The following EEIG2 variants were observed in gnomAD, a reference collection of about 807,000 sequenced individuals.
EEIG2 encodes family with sequence similarity 102 member B.
At chr1:108,595,928 C>T in the EEIG2 span, among the ~76,000 whole-genome samples, 649 of 152,134 alleles carry the variant, frequency 4.3e-3, 3 homozygotes, top group African/African-American at 0.015. Context: ...GCAGGAAAGA[C>T]GTATTTGCAG....
At chr1:108,588,965 T>C in the EEIG2 span, among the ~76,000 whole-genome samples, 3 of 152,172 alleles carry the variant, frequency 2.0e-5, no homozygotes, top group Non-Finnish European at 4.4e-5. Context: ...TCAGCAAATA[T>C]TCATTTGAGG....
chr1:108,621,891 T>A, the EEIG2 span, among the ~76,000 whole-genome samples: 1 of 152,074 alleles, frequency 6.6e-6, no homozygotes, highest in Non-Finnish European at 1.5e-5. Flanking sequence ...GCGTGGTGGC[T>A]CACGCCTGTA....
the EEIG2 span, among the ~76,000 whole-genome samples, chr1:108,592,843 GAT>G: frequency 6.6e-6 from 1 of 152,236 alleles, no homozygotes; most frequent in South Asian, 2.1e-4. Flanking sequence ...TAAATAATAA[GAT>G]TTAAGAAGTT....
the EEIG2 span, among the ~76,000 whole-genome samples, chr1:108,589,254 A>C: frequency 6.6e-6 from 1 of 152,270 alleles, no homozygotes; most frequent in East Asian, 1.9e-4. Context: ...TAGTGCTGAC[A>C]GGTTCTTTAC....
the EEIG2 span, chr1:108,616,574 T>C: frequency 1.7e-6 from 1 of 581,584 alleles, no homozygotes; most frequent in Non-Finnish European, 3.0e-6. Context: ...GACCTGACCC[T>C]CTTAGAAGTT....
chr1:108,614,679 T>G, the EEIG2 span, among the ~76,000 whole-genome samples: 1 of 152,170 alleles, frequency 6.6e-6, no homozygotes, highest in Non-Finnish European at 1.5e-5. Context: ...ATCCAAAGTT[T>G]GCCTAATCAA....
the EEIG2 span, among the ~76,000 whole-genome samples, chr1:108,632,985 G>A: frequency 1.5e-5 from 2 of 137,532 alleles, no homozygotes; most frequent in African/African-American, 5.5e-5. Flanking sequence ...GAGTCTCACT[G>A]TGTTGCCCAG....
the EEIG2 span, among the ~76,000 whole-genome samples, chr1:108,569,021 T>G: frequency 2.0e-5 from 3 of 152,186 alleles, no homozygotes; most frequent in African/African-American, 7.2e-5. Flanking sequence ...CATGAGAAAG[T>G]TGATCCTTAG....
At chr1:108,598,242 G>A in the EEIG2 span, among the ~76,000 whole-genome samples, 64 of 150,340 alleles carry the variant, frequency 4.3e-4, no homozygotes, top group African/African-American at 1.5e-3. Context: ...GCTGAGGCAT[G>A]GGAATTGCTT....
the EEIG2 span, among the ~76,000 whole-genome samples, chr1:108,585,961 C>T: frequency 6.6e-6 from 1 of 152,004 alleles, no homozygotes; most frequent in Non-Finnish European, 1.5e-5. Flanking sequence ...TATTCCTGTT[C>T]CAGAAAACTG....
the EEIG2 span, among the ~76,000 whole-genome samples, chr1:108,588,933 A>G: frequency 6.6e-6 from 1 of 152,084 alleles, no homozygotes; most frequent in East Asian, 1.9e-4. Flanking sequence ...TTTTTGTAAT[A>G]TAGAAGATTA....
the EEIG2 span, among the ~76,000 whole-genome samples, chr1:108,577,927 A>G: frequency 3.7e-3 from 554 of 151,738 alleles, 15 homozygotes; most frequent in African/African-American, 0.011. Context: ...CTTCCTACCC[A>G]TGAGCATGGA....
the EEIG2 span, among the ~76,000 whole-genome samples, chr1:108,576,778 G>C: frequency 6.6e-6 from 1 of 150,498 alleles, no homozygotes; most frequent in African/African-American, 2.4e-5. Flanking sequence ...TGTCTTTATA[G>C]CAGCATGATT....
At chr1:108,601,444 A>G in the EEIG2 span, among the ~76,000 whole-genome samples, 1 of 151,762 alleles carries the variant, frequency 6.6e-6, no homozygotes, top group Admixed American at 6.6e-5. Flanking sequence ...TACCATTGCC[A>G]TGGTATTTTA....
At chr1:108,621,323 C>T in the EEIG2 span, among the ~76,000 whole-genome samples, 2 of 152,060 alleles carry the variant, frequency 1.3e-5, no homozygotes, top group Admixed American at 1.3e-4. Flanking sequence ...CTGAGTTGTC[C>T]AGGGAGGTAA....
At chr1:108,569,622 C>T in the EEIG2 span, among the ~76,000 whole-genome samples, 2 of 152,172 alleles carry the variant, frequency 1.3e-5, no homozygotes, top group Non-Finnish European at 2.9e-5. Flanking sequence ...TGTACCTAGC[C>T]TCACCTAAAT....
chr1:108,637,097 A>T, the EEIG2 span: 2 of 152,160 alleles, frequency 1.3e-5, no homozygotes, highest in Non-Finnish European at 2.9e-5. Context: ...CCTTGGTCCG[A>T]CACCTCTCTA....
chr1:108,583,419 G>A, the EEIG2 span, among the ~76,000 whole-genome samples: 4 of 151,412 alleles, frequency 2.6e-5, no homozygotes, highest in African/African-American at 9.7e-5. Flanking sequence ...TGCTGGGATA[G>A]GAATGAGCCA....
the EEIG2 span, chr1:108,624,874 G>T: frequency 1.4e-6 from 1 of 697,840 alleles, no homozygotes; most frequent in Non-Finnish European, 2.5e-6. Flanking sequence ...TTTTAATTAT[G>T]TAATTCTTGG....
Sources: gnomAD v4.1 joint callset for allele counts (sites outside exome capture counted in the v4.1 genomes callset) on GRCh38, gnomAD v4.1.1 for gene constraint, MANE v1.5 for transcripts, NCBI Gene and HGNC (gene_info 2026-07-23, HGNC 2026-07-21) for gene names.